The following WNT3 variants were observed in gnomAD, a reference collection of about 807,000 sequenced individuals.
WNT3 encodes the protein proto-oncogene Wnt-3.
In WNT3, 7 loss-of-function variants were observed where a neutral mutation model predicts 34.2. The ratio of observed to expected loss-of-function variants is 0.20; its 90% confidence interval spans 0.12 to 0.38. WNT3 has a LOEUF of 0.38. WNT3 is among the 10% of genes least tolerant of loss of function. The pLI, the probability that WNT3 is intolerant of heterozygous loss-of-function variation, is 1.00. For missense variants in WNT3, 267 were observed against 499.8 expected, an observed-to-expected ratio of 0.53 and a Z score of 4.44; for synonymous variants, 212 against 211.5, an observed-to-expected ratio of 1.00 and a Z score of -0.02.
In WNT3 at chr17:46,763,560, T is replaced by C. The variant is rs2059286332; in HGVS notation, c.*1070A>G. ...CCGTATTGGAGAGGAAGCAAAGGGA[T>C]GGTTTTCATCCTCCCCATCTGCTAG... is the stretch of plus-strand genomic sequence containing the variant. On this transcript the variant is annotated 3_prime_UTR_variant, in exon 5 of 5. Transcript: ENST00000225512. 6.6e-6 allele frequency: 1 copy of C among 152,118 alleles called. No individual in the cohort carries two copies. The highest frequency in any genetic ancestry group is 6.5e-5 in the Admixed American group (1 of 15,270). 9.4% of individuals were successfully genotyped at this position (152,118 alleles called of 1,614,324 possible). A position where few individuals can be genotyped will look rare whatever the true frequency, so the allele number is the denominator to read the frequency against.
intron 1 of WNT3, among the ~76,000 whole-genome samples, chr17:46,799,582 G>A (rs2084098741): frequency 1.3e-5 from 2 of 151,770 alleles, no homozygotes; most frequent in African/African-American, 4.8e-5. Flanking sequence ...TGAGTAGCTG[G>A]GATTACAGGT....
At position 46,773,883 on chromosome 17, in the gene WNT3, G is replaced by A. The variant is rs771221427; in HGVS notation, c.107C>T (p.Thr36Ile). 6 of 1,612,306 alleles carry A rather than the reference G, an allele frequency of 3.7e-6. No homozygotes were observed. Among genetic ancestry groups the A allele is most frequent in the Non-Finnish European group, 5.1e-6 (6 of 1,179,970 alleles). Residue 36 changes from threonine to isoleucine, a missense_variant, in exon 2 of 5, where the codon ACA becomes ATA. By Grantham distance (89) the Thr-to-Ile change is moderately conservative. Around this residue, in one of 3 missense-constraint regions of WNT3, gnomAD observed 181 missense variants for 391.3 expected, o/e 0.46. Coordinates refer to ENST00000225512, the MANE Select transcript of WNT3 (RefSeq NM_030753.5). Reference sequence around the variant, plus strand: ...GAGCAGGGGCTGTGAGCCCAGAGATGTGTACTGCTGGCCCAGGGCCAGGGA... The same window carrying A: ...GAGCAGGGGCTGTGAGCCCAGAGATATGTACTGCTGGCCCAGGGCCAGGGA... ...WWSLALGQQY[T>I]SLGSQPLLCG...
At chr17:46,818,466 C>G in intron 1 of WNT3, 52 bp downstream of exon 1, 1 of 1,556,648 alleles carries the variant, frequency 6.4e-7, no homozygotes, top group South Asian at 1.2e-5. Context: ...CCCCACCTTC[C>G]CCGGACGCGG....
chr17:46,796,473 A>G (rs1268392704), intron 1 of WNT3, among the ~76,000 whole-genome samples: 1 of 152,234 alleles, frequency 6.6e-6, no homozygotes, highest in Non-Finnish European at 1.5e-5. Context: ...TTAGGGACAC[A>G]TCTGGTCTGG....
At chr17:46,803,047 G>T (rs2084146549) in intron 1 of WNT3, among the ~76,000 whole-genome samples, 1 of 152,156 alleles carries the variant, frequency 6.6e-6, no homozygotes, top group African/African-American at 2.4e-5. Context: ...CAACCTATGG[G>T]ATCAGATGCT....
Position 46,769,795 on chromosome 17 carries a change from C to T in WNT3, c.576G>A (p.Glu192=), listed in dbSNP as rs2059347639. 3 of 1,611,806 alleles carry T rather than the reference C, an allele frequency of 1.9e-6. No individual in the cohort carries two copies. The highest frequency in any genetic ancestry group is 2.5e-6 in the Non-Finnish European group (3 of 1,179,866). ...TAGCCGGGCTCACCGTGCGGCCCGCCTCGTTGTTGTGCTTGTTCATGGCCG... is the reference window on the plus strand; with the variant it reads ...TAGCCGGGCTCACCGTGCGGCCCGCTTCGTTGTTGTGCTTGTTCATGGCCG... ...ARSAMNKHNN[E]AGRTTILDHM... is the part of the protein sequence containing the mutation. The change falls in exon 3 of 5, where the codon GAG becomes GAA. Residue 192 remains glutamate, a synonymous_variant. Coordinates refer to ENST00000225512, the MANE Select transcript of WNT3 (RefSeq NM_030753.5).
At position 46,764,413 on chromosome 17, in the gene WNT3, C is replaced by T. The variant is rs1048899414; in HGVS notation, c.*217G>A. On this transcript the variant is annotated 3_prime_UTR_variant, in exon 5 of 5. Transcript: ENST00000225512. The stretch of plus-strand genomic sequence containing the variant: ...AGCCCCCTTCTTTAAAAACCACACA[C>T]CATCCAGAGTAGGGTGAGAAATGTA... 9 of 152,644 alleles carry T rather than the reference C, an allele frequency of 5.9e-5. No homozygotes were observed. Among genetic ancestry groups the T allele is most frequent in the African/African-American group, 1.9e-4 (8 of 41,458 alleles). The allele number at this position is 152,644 out of a possible 1,614,324, so 9.5% of individuals were successfully genotyped here.
chr17:46,808,876 G>A (rs943100589), intron 1 of WNT3, among the ~76,000 whole-genome samples: 1 of 152,108 alleles, frequency 6.6e-6, no homozygotes, highest in Non-Finnish European at 1.5e-5. Flanking sequence ...TGGGACAGCA[G>A]CCTGCTCAGG....
chr17:46,795,800 G>C (rs1159359729), intron 1 of WNT3, among the ~76,000 whole-genome samples: 1 of 152,118 alleles, frequency 6.6e-6, no homozygotes, highest in African/African-American at 2.4e-5. Flanking sequence ...TAACCCCCAG[G>C]CTTCTCAGAT....
chr17:46,769,715 C>T (rs1290567400), intron 3 of WNT3, 68 bp downstream of exon 3: 2 of 1,588,700 alleles, frequency 1.3e-6, no homozygotes, highest in African/African-American at 2.7e-5. Context: ...AGGTGGGGGC[C>T]AGGGCAGCTC....
intron 1 of WNT3, among the ~76,000 whole-genome samples, chr17:46,784,591 A>G (rs1417985854): frequency 1.3e-5 from 2 of 151,984 alleles, no homozygotes; most frequent in Non-Finnish European, 2.9e-5. Context: ...TCACACTAGG[A>G]GGCTGGAAAG....
At chr17:46,784,416 G>A (rs1442807114) in intron 1 of WNT3, among the ~76,000 whole-genome samples, 1 of 152,164 alleles carries the variant, frequency 6.6e-6, no homozygotes, top group East Asian at 1.9e-4. Flanking sequence ...CTTGTAAGGA[G>A]CTAAAAGTTG....
At chr17:46,779,103 A>ACACACACACACCCCC (rs749719578) in intron 1 of WNT3, among the ~76,000 whole-genome samples, 16 of 133,660 alleles carry the variant, frequency 1.2e-4, no homozygotes, top group East Asian at 7.7e-4. Flanking sequence ...ACACACACAC[A>ACACACACACACCCCC]CCCCAGCCCA....
rs59755414 is a variant in WNT3, at chr17:46,790,053, G to A, written c.81-16144C>T. Among the ~76,000 whole-genome samples the A allele has an allele frequency of 8.0e-3, 1,217 of 152,140 alleles. 18 individuals are homozygous for A. The highest frequency in any genetic ancestry group is 0.028 in the African/African-American group (1,160 of 41,494). On this transcript the variant is annotated intron_variant, in intron 1 of 4. Transcript: ENST00000225512. Reference sequence around the variant, plus strand: ...GGGAGGCCCCACCCAAGTTCAAAGCGCTGGCTGCCCCTCCCTTGCAGCCCC... The same window carrying A: ...GGGAGGCCCCACCCAAGTTCAAAGCACTGGCTGCCCCTCCCTTGCAGCCCC...
chr17:46,770,464 G>A (rs1335358674), intron 2 of WNT3, among the ~76,000 whole-genome samples: 3 of 152,154 alleles, frequency 2.0e-5, no homozygotes, highest in Non-Finnish European at 4.4e-5. Context: ...ACGCCTGAGT[G>A]AGATCCAGGT....
At chr17:46,772,990 A>T (rs1204478955) in intron 2 of WNT3, among the ~76,000 whole-genome samples, 1 of 152,094 alleles carries the variant, frequency 6.6e-6, no homozygotes, top group Non-Finnish European at 1.5e-5. Context: ...CACCCAGTCC[A>T]TGAGCCCCCA....
At chr17:46,778,074 C>T (rs1217459657) in intron 1 of WNT3, among the ~76,000 whole-genome samples, 2 of 152,206 alleles carry the variant, frequency 1.3e-5, no homozygotes, top group Admixed American at 1.3e-4. Context: ...CAATCCAGTG[C>T]ATGGCACGTG....
intron 4 of WNT3, among the ~76,000 whole-genome samples, chr17:46,765,577 G>A (rs2059305039): frequency 6.6e-6 from 1 of 151,664 alleles, no homozygotes; most frequent in Admixed American, 6.6e-5. Flanking sequence ...GACTGTCAGG[G>A]AAGACAAGAG....
rs1028900860 is a variant in WNT3 at position 46,768,917 on chromosome 17, C to T, written c.589-118G>A. The T allele has an allele frequency of 6.9e-7, 1 of 1,457,848 alleles. No homozygotes were observed. Among genetic ancestry groups the T allele is most frequent in the Non-Finnish European group, 9.2e-7 (1 of 1,091,248 alleles). 90.3% of individuals were successfully genotyped at this position (1,457,848 alleles called of 1,614,324 possible). A position where few individuals can be genotyped will look rare whatever the true frequency, so the allele number is the denominator to read the frequency against. On this transcript the variant is annotated intron_variant, in intron 3 of 4. Coordinates refer to ENST00000225512, the MANE Select transcript of WNT3 (RefSeq NM_030753.5). This position sits in a 1 kb window ranked among gnomAD's most constrained non-coding sequence, Gnocchi z 5.0. The stretch of plus-strand genomic sequence containing the variant: ...TCCAGCCTTCTCTACTCCTCTGTGA[C>T]AGGAAGAGAACTGATGGGGACTGAG...
Sources: gnomAD v4.1 joint callset for allele counts (sites outside exome capture counted in the v4.1 genomes callset) on GRCh38, gnomAD v4.1.1 for gene constraint, gnomAD v4.1.1 regional missense constraint, Gnocchi (gnomAD v3.1) non-coding constraint, MANE v1.5 for transcripts, NCBI Gene and HGNC (gene_info 2026-07-23, HGNC 2026-07-21) for gene names.